Variants in PRKN observed in about 807,000 individuals in gnomAD.
PRKN encodes parkin RBR E3 ubiquitin protein ligase, also known as E3 ubiquitin-protein ligase parkin.
PRKN carries 56 observed loss-of-function variants against 59.5 expected under a neutral mutation model. That is an observed-to-expected ratio of 0.94 (90% CI 0.76 to 1.18). PRKN has a LOEUF of 1.18. Among genes scored for constraint, PRKN ranks in the 50% most tolerant of loss-of-function variants. The probability of loss-of-function intolerance (pLI) is 0.00; values close to 1 mark genes in which losing one functional copy is unlikely to be tolerated. For synonymous variants in PRKN, 250 were observed against 222.1 expected (o/e 1.13, Z -1.12); for missense variants, 657 against 596.4 (o/e 1.10, Z -1.06).
chr6:161,438,275 T>C (rs575852991), intron 9 of PRKN, among the ~76,000 whole-genome samples: 1 of 136,276 alleles, frequency 7.3e-6, no homozygotes, highest in South Asian at 2.3e-4. Flanking sequence ...TGGATTGCAA[T>C]GGCGTGATCT....
At chr6:161,693,630 G>A (rs1326752575) in intron 7 of PRKN, among the ~76,000 whole-genome samples, 3 of 152,118 alleles carry the variant, frequency 2.0e-5, no homozygotes, top group African/African-American at 7.2e-5. Context: ...AAAGTCACAT[G>A]TCTTTTAAAA....
rs1582894862 is a variant in PRKN at position 161,616,030 on chromosome 6, C to T, written c.872-46614G>A. Among the ~76,000 whole-genome samples, 7 of 152,266 alleles carry T rather than the reference C, an allele frequency of 4.6e-5. 1 individual carries two copies. The highest frequency in any genetic ancestry group is 4.6e-4 in the Admixed American group (7 of 15,296). On this transcript the variant is annotated intron_variant, in intron 7 of 11. Coordinates refer to ENST00000366898, the MANE Select transcript of PRKN (RefSeq NM_004562.3). Reference sequence around the variant, plus strand: ...TCAGGGTCTCCCGTCTCTCTTCTGGCCGCTCTCTCTCCCCAGCCCTCCTCC... The same window carrying T: ...TCAGGGTCTCCCGTCTCTCTTCTGGTCGCTCTCTCTCCCCAGCCCTCCTCC...
chr6:161,897,443 T>G (rs143720327), intron 6 of PRKN, among the ~76,000 whole-genome samples: 4 of 152,330 alleles, frequency 2.6e-5, no homozygotes, highest in African/African-American at 9.6e-5. Flanking sequence ...GCTAAAGTAT[T>G]ATCTCTTTTT....
rs200313393 is a variant in PRKN, at chr6:161,525,153, A to G, written c.1083+23701T>C. 4.5e-4 allele frequency among the ~76,000 whole-genome samples: 45 copies of G among 100,574 alleles called. No individual in the cohort carries two copies. Among genetic ancestry groups the G allele is most frequent in the African/African-American group, 1.0e-3 (27 of 26,566 alleles). 66.0% of individuals were successfully genotyped at this position (100,574 alleles called of 152,430 possible). A position where few individuals can be genotyped will look rare whatever the true frequency, so the allele number is the denominator to read the frequency against. ...AAGGTGTGTGTGTGTGTGTGTGTGT[A>G]TGTGTGTGTGAGTAGGGTTCTGTGT... On this transcript the variant is annotated intron_variant, in intron 9 of 11. Coordinates refer to ENST00000366898, the MANE Select transcript of PRKN (RefSeq NM_004562.3). The surrounding 1 kb of genome is among the most constrained non-coding windows in gnomAD (Gnocchi z 4.7).
Position 161,353,790 on chromosome 6 carries a change from C to T in PRKN, c.1286-3579G>A, listed in dbSNP as rs1465599888. Among the ~76,000 whole-genome samples, 1 of 152,192 alleles carries T rather than the reference C, an allele frequency of 6.6e-6. No homozygotes were observed. Among genetic ancestry groups the T allele is most frequent in the Non-Finnish European group, 1.5e-5 (1 of 68,040 alleles). On this transcript the variant is annotated intron_variant, in intron 11 of 11. Coordinates refer to ENST00000366898, the MANE Select transcript of PRKN (RefSeq NM_004562.3). This position sits in a 1 kb window ranked among gnomAD's most constrained non-coding sequence, Gnocchi z 4.8. ...GACTTGAGACCGGTGAGTGGCAGTCCTGTGGGACTGAGCCCCCAGCCTGAG... is the reference window on the plus strand; with the variant it reads ...GACTTGAGACCGGTGAGTGGCAGTCTTGTGGGACTGAGCCCCCAGCCTGAG...
intron 7 of PRKN, among the ~76,000 whole-genome samples, chr6:161,569,735 T>G (rs1780800193): frequency 6.6e-6 from 1 of 152,178 alleles, no homozygotes; most frequent in African/African-American, 2.4e-5. Flanking sequence ...AGCATGTCAC[T>G]GGTTCCTCAT....
chr6:162,126,140 G>T (rs1781116250), intron 4 of PRKN, among the ~76,000 whole-genome samples: 1 of 152,232 alleles, frequency 6.6e-6, no homozygotes, highest in South Asian at 2.1e-4. Context: ...AAAGCACAGT[G>T]GGAGATAAAG....
At chr6:162,124,004 A>G (rs1015965574) in intron 4 of PRKN, among the ~76,000 whole-genome samples, 5 of 152,164 alleles carry the variant, frequency 3.3e-5, no homozygotes, top group Non-Finnish European at 4.4e-5. Context: ...CCCTGTAAGT[A>G]TCACTCTGGC....
At chr6:162,377,588 C>T (rs375315026) in intron 2 of PRKN, among the ~76,000 whole-genome samples, 47 of 152,300 alleles carry the variant, frequency 3.1e-4, no homozygotes, top group African/African-American at 9.4e-4. Context: ...AGTTCTTAGA[C>T]CAACACACGC....
At chr6:161,860,099 G>C (rs1192048319) in intron 6 of PRKN, among the ~76,000 whole-genome samples, 1 of 152,072 alleles carries the variant, frequency 6.6e-6, no homozygotes, top group Non-Finnish European at 1.5e-5. Context: ...ATAATAGTAA[G>C]TTTACAGTTT....
rs988526745 is a variant in PRKN, at chr6:161,416,638, G to A, written c.1084-29761C>T. Reference sequence around the variant, plus strand: ...AGCCTCATCCGCTGCTGCCTCGCAGGAGACAGTGTCCTATATTTGCTCATA... The same window carrying A: ...AGCCTCATCCGCTGCTGCCTCGCAGAAGACAGTGTCCTATATTTGCTCATA... On this transcript the variant is annotated intron_variant, in intron 9 of 11. Coordinates refer to ENST00000366898, the MANE Select transcript of PRKN (RefSeq NM_004562.3). Among the ~76,000 whole-genome samples, 3 of 152,214 alleles carry A rather than the reference G, an allele frequency of 2.0e-5. No homozygotes were observed. The East Asian group carries it at 5.8e-4, about 29-fold the overall frequency.
chr6:162,062,715 C>G (rs1778148362), intron 4 of PRKN, among the ~76,000 whole-genome samples: 1 of 152,150 alleles, frequency 6.6e-6, no homozygotes, highest in African/African-American at 2.4e-5. Flanking sequence ...TGAGAAAATA[C>G]ATTTCTATTG....
intron 7 of PRKN, among the ~76,000 whole-genome samples, chr6:161,775,497 C>T (rs1454984114): frequency 1.3e-5 from 2 of 152,154 alleles, no homozygotes; most frequent in African/African-American, 4.8e-5. Flanking sequence ...ACGTAGCCCT[C>T]CCAAAGTGCT....
chr6:162,581,548 G>C (rs1299545839), intron 1 of PRKN, among the ~76,000 whole-genome samples: 2 of 152,232 alleles, frequency 1.3e-5, no homozygotes, highest in South Asian at 2.1e-4. Context: ...ATCACCTGAG[G>C]TCAGGAGTTC....
At chr6:161,962,540 C>CTTT (rs567987319) in intron 6 of PRKN, among the ~76,000 whole-genome samples, 6 of 136,164 alleles carry the variant, frequency 4.4e-5, no homozygotes, top group Admixed American at 7.4e-5. Flanking sequence ...AATGTAGCAC[C>CTTT]TTTTTTTTTT....
At chr6:162,691,866 T>C (rs1777786588) in intron 1 of PRKN, among the ~76,000 whole-genome samples, 2 of 152,136 alleles carry the variant, frequency 1.3e-5, no homozygotes, top group South Asian at 4.1e-4. Context: ...CAGCCTGGGG[T>C]AAATCTGTCA....
chr6:162,174,408 A>C (rs892023114), intron 4 of PRKN, among the ~76,000 whole-genome samples: 4 of 152,182 alleles, frequency 2.6e-5, no homozygotes, highest in Middle Eastern at 3.2e-3. Context: ...TGCACCCATA[A>C]ATATCTTCTT....
At chr6:162,462,673 G>A (rs979183752) in intron 1 of PRKN, among the ~76,000 whole-genome samples, 1 of 151,952 alleles carries the variant, frequency 6.6e-6, no homozygotes, top group African/African-American at 2.4e-5. Context: ...TTCAATAGAC[G>A]GCTGCTTACT....
intron 6 of PRKN, among the ~76,000 whole-genome samples, chr6:161,909,939 C>T (rs1444051498): frequency 6.6e-6 from 1 of 152,130 alleles, no homozygotes; most frequent in African/African-American, 2.4e-5. Flanking sequence ...TCATGGAAAA[C>T]ATGCCGGTGG....
Sources: allele counts gnomAD v4.1 joint callset (sites outside exome capture counted in the v4.1 genomes callset), GRCh38; gene constraint gnomAD v4.1.1; non-coding constraint Gnocchi (gnomAD v3.1); transcripts MANE v1.5; gene names NCBI Gene and HGNC (gene_info 2026-07-23, HGNC 2026-07-21).